Variants in COX10 observed in about 807,000 individuals in gnomAD.
The protein encoded by COX10 is protoheme IX farnesyltransferase, mitochondrial.
Under a neutral mutation model 37.3 loss-of-function variants are expected in COX10, and 27 were observed. The observed-to-expected ratio is 0.72, with a 90% CI of 0.53 to 1.00. The LOEUF is 1.00. COX10 is among the 50% of genes least tolerant of loss of function. COX10 has a pLI of 0.00. For missense variants in COX10, 475 were observed against 563.2 expected, an observed-to-expected ratio of 0.84 and a Z score of 1.59; for synonymous variants, 222 against 229.1, an observed-to-expected ratio of 0.97 and a Z score of 0.28.
At chr17:14,152,146 C>T (rs767964547) in intron 4 of COX10, among the ~76,000 whole-genome samples, 2 of 152,130 alleles carry the variant, frequency 1.3e-5, no homozygotes, top group Admixed American at 6.5e-5. Flanking sequence ...AATGTCAGAA[C>T]CACTATGCAG....
intron 4 of COX10, among the ~76,000 whole-genome samples, chr17:14,125,157 T>C (rs1414248386): frequency 6.6e-6 from 1 of 152,148 alleles, no homozygotes; most frequent in African/African-American, 2.4e-5. Context: ...GACAGGAAAG[T>C]TTTTATCCTG....
chr17:14,115,360 T>C (rs900098486), intron 4 of COX10, among the ~76,000 whole-genome samples: 2 of 152,112 alleles, frequency 1.3e-5, no homozygotes, highest in African/African-American at 4.8e-5. Flanking sequence ...AGAGTGGCTA[T>C]TATTAAAAAG....
chr17:14,148,908 TATA>T (rs766785946), intron 4 of COX10, among the ~76,000 whole-genome samples: 14 of 148,474 alleles, frequency 9.4e-5, no homozygotes, highest in Non-Finnish European at 1.6e-4. Context: ...TTAGAATTAA[TATA>T]ATATATTTTA....
At chr17:14,077,127 T>C in intron 3 of COX10, 71 bp downstream of exon 3, 1 of 1,462,764 alleles carries the variant, frequency 6.8e-7, no homozygotes, top group East Asian at 2.4e-5. Flanking sequence ...CTAATTTTAT[T>C]TACCACCTGA....
At position 14,100,131 on chromosome 17, in the gene COX10, C is replaced by A. The variant is rs893794945; in HGVS notation, c.500-1987C>A. Among the ~76,000 whole-genome samples the A allele has an allele frequency of 3.3e-5, 5 of 152,150 alleles. No homozygotes were observed. In the East Asian group the frequency reaches 7.7e-4, roughly 23 times the overall value. On this transcript the variant is annotated intron_variant, in intron 3 of 6. Coordinates refer to ENST00000261643, the MANE Select transcript of COX10 (RefSeq NM_001303.4). ...ACATGTTTCTCTGGAAAACTCTCTGCCTCTCTTAAGTCACAGTGCACAGAT... is the reference window on the plus strand; with the variant it reads ...ACATGTTTCTCTGGAAAACTCTCTGACTCTCTTAAGTCACAGTGCACAGAT...
intron 5 of COX10, among the ~76,000 whole-genome samples, chr17:14,170,554 C>T (rs193162166): frequency 0.012 from 1,844 of 152,222 alleles, 13 homozygotes; most frequent in Middle Eastern, 0.044. Flanking sequence ...ATGGTTCACA[C>T]CTATAATTTC....
chr17:14,127,007 C>T (rs868840480), intron 4 of COX10, among the ~76,000 whole-genome samples: 1 of 152,030 alleles, frequency 6.6e-6, no homozygotes, highest in African/African-American at 2.4e-5. Flanking sequence ...TAAATAGAAT[C>T]ACGAATTTGG....
chr17:14,192,356 A>G, intron 6 of COX10, 135 bp downstream of exon 6: 1 of 1,613,512 alleles, frequency 6.2e-7, no homozygotes, highest in East Asian at 2.2e-5. Flanking sequence ...GATGTGGCAG[A>G]CTGAAATTTT....
chr17:14,197,292 G>C (rs1312123025), intron 6 of COX10, among the ~76,000 whole-genome samples: 1 of 152,150 alleles, frequency 6.6e-6, no homozygotes, highest in Non-Finnish European at 1.5e-5. Context: ...GGCTCATTTT[G>C]TGCTTTTTGT....
intron 4 of COX10, among the ~76,000 whole-genome samples, chr17:14,155,203 TG>T (rs1264049798): frequency 6.6e-6 from 1 of 152,114 alleles, no homozygotes; most frequent in African/African-American, 2.4e-5. Flanking sequence ...CTAAAGATTT[TG>T]ACATGGGTTA....
intron 4 of COX10, among the ~76,000 whole-genome samples, chr17:14,115,333 G>C (rs565520241): frequency 1.2e-4 from 18 of 152,074 alleles, no homozygotes; most frequent in African/African-American, 4.3e-4. Context: ...TTAAAATTTG[G>C]GTAATAATCA....
In COX10 at chr17:14,202,576, G is replaced by T. The variant is rs962624384; in HGVS notation, c.929-4234G>T. On this transcript the variant is annotated intron_variant, in intron 6 of 6. Coordinates refer to ENST00000261643, the MANE Select transcript of COX10 (RefSeq NM_001303.4). ...AGGATTCGAAAGCATATGTGTAACT[G>T]CCTGGCACGTAAAAGCCACAGGCAT... Among the ~76,000 whole-genome samples, 3 of 152,190 alleles carry T rather than the reference G, an allele frequency of 2.0e-5. No homozygotes were observed. The East Asian group carries it at 5.8e-4, about 29-fold the overall frequency.
chr17:14,170,551 A>C (rs1905432211), intron 5 of COX10, among the ~76,000 whole-genome samples: 1 of 152,182 alleles, frequency 6.6e-6, no homozygotes, highest in African/African-American at 2.4e-5. Flanking sequence ...TGCATGGTTC[A>C]CACCTATAAT....
At chr17:14,158,844 T>C (rs773556672) in intron 4 of COX10, among the ~76,000 whole-genome samples, 9 of 152,186 alleles carry the variant, frequency 5.9e-5, no homozygotes, top group Non-Finnish European at 8.8e-5. Context: ...CATTGAATTA[T>C]TGTTTCGTCT....
At chr17:14,130,016 C>T (rs925494717) in intron 4 of COX10, among the ~76,000 whole-genome samples, 6 of 152,164 alleles carry the variant, frequency 3.9e-5, no homozygotes, top group Non-Finnish European at 7.4e-5. Flanking sequence ...TTCCTTTCTT[C>T]TCTTCCTGGG....
At chr17:14,156,980 C>T (rs1019202788) in intron 4 of COX10, among the ~76,000 whole-genome samples, 11 of 152,280 alleles carry the variant, frequency 7.2e-5, no homozygotes, top group Admixed American at 2.6e-4. Context: ...TGCAACTACC[C>T]GGCTCTGCTG....
chr17:14,129,147 A>ATT (rs376366835), intron 4 of COX10, among the ~76,000 whole-genome samples: 66 of 137,578 alleles, frequency 4.8e-4, no homozygotes, highest in Middle Eastern at 3.9e-3. Flanking sequence ...TGCCCGGCCT[A>ATT]TTTTTTTTTT....
chr17:14,192,070 A>C lies in COX10; in HGVS notation c.777A>C (p.Thr259=). ...AILTLGVNPL[T]GALGLFNIFL... Reference sequence around the variant, plus strand: ...TGACCTTGGGGGTGAATCCACTCACAGGAGCCCTGGGGCTCTTCAACATTT... The same window carrying C: ...TGACCTTGGGGGTGAATCCACTCACCGGAGCCCTGGGGCTCTTCAACATTT... Residue 259 remains threonine (T), a synonymous_variant, in exon 6 of 7, where the codon ACA becomes ACC. Transcript: ENST00000261643. The C allele has an allele frequency of 6.2e-7, 1 of 1,614,194 alleles. No homozygotes were observed. The highest frequency in any genetic ancestry group is 2.2e-5 in the East Asian group (1 of 44,876).
At chr17:14,172,543 T>G (rs2856185) in intron 5 of COX10, among the ~76,000 whole-genome samples, 86,364 of 149,556 alleles carry the variant, frequency 0.58, 25,411 homozygotes, top group Non-Finnish European at 0.62. Context: ...CTCGTATACC[T>G]TTTGGCTATT....
Sources: gnomAD v4.1 joint callset for allele counts (sites outside exome capture counted in the v4.1 genomes callset) on GRCh38, gnomAD v4.1.1 for gene constraint, MANE v1.5 for transcripts, NCBI Gene and HGNC (gene_info 2026-07-23, HGNC 2026-07-21) for gene names.